DOP1A: variants seen among roughly 807,000 people sequenced by gnomAD.
DOP1A encodes the protein protein DOP1A.
Under a neutral mutation model 267.6 loss-of-function variants are expected in DOP1A, and 90 were observed. The observed-to-expected ratio is 0.34, with a 90% CI of 0.28 to 0.40. The LOEUF (loss-of-function observed/expected upper bound fraction) is 0.40. Among genes scored for constraint, DOP1A ranks in the 10% least tolerant of loss-of-function variants. The pLI is 1.00. For missense variants in DOP1A, 2,437 were observed against 2,900.4 expected (o/e 0.84, Z 3.67); for synonymous variants, 932 against 999.1 (o/e 0.93, Z 1.27).
At position 83,097,006 on chromosome 6, in the gene DOP1A, G is replaced by A. The variant is rs374683696; in HGVS notation, c.29G>A (p.Ser10Asn). The A allele has an allele frequency of 1.5e-5, 25 of 1,613,974 alleles. No individual in the cohort carries two copies. Among genetic ancestry groups the A allele is most frequent in the Non-Finnish European group, 1.9e-5 (23 of 1,179,968 alleles). Residue 10 changes from serine to asparagine, a missense_variant, in exon 3 of 39, where the codon AGT becomes AAT. Transcript: ENST00000349129. MNTEELELLSDSKYRNYVAA... is the reference protein window; with the variant it reads MNTEELELLNDSKYRNYVAA... ...AACACAGAAGAGCTGGAGTTATTGA[G>A]TGACTCCAAATACAGAAACTATGTA...
At chr6:83,122,133 T>C (rs1776464330) in intron 11 of DOP1A, 83 bp downstream of exon 11, 1 of 1,485,576 alleles carries the variant, frequency 6.7e-7, no homozygotes, top group East Asian at 2.3e-5. Context: ...TAACTTGGGA[T>C]CCTACTCTAT....
chr6:83,101,641 C>G (rs769036065), intron 4 of DOP1A, among the ~76,000 whole-genome samples: 2 of 152,180 alleles, frequency 1.3e-5, no homozygotes, highest in Non-Finnish European at 2.9e-5. Context: ...TACCCAAACT[C>G]CACACAGAGT....
intron 8 of DOP1A, among the ~76,000 whole-genome samples, 186 bp from the exon 9 acceptor site, chr6:83,119,562 G>GATACTTATGTATCAT (rs1420712013): frequency 6.6e-6 from 1 of 152,114 alleles, no homozygotes; most frequent in Non-Finnish European, 1.5e-5. Flanking sequence ...AGAATACTAT[G>GATACTTATGTATCAT]ATACTTATGT....
intron 31 of DOP1A, 132 bp downstream of exon 31, chr6:83,153,752 AT>A: frequency 1.7e-6 from 2 of 1,170,434 alleles, no homozygotes; most frequent in Non-Finnish European, 2.3e-6. Context: ...GTTTAAAAAA[AT>A]TCATATATTA....
chr6:83,109,060 A>T lies in DOP1A; in HGVS notation c.471A>T (p.Glu157Asp). Residue 157 changes from glutamate (E) to aspartate (D), a missense_variant, in exon 5 of 39, where the codon GAA becomes GAT. Glu to Asp is a conservative substitution (Grantham distance 45, BLOSUM62 2). Coordinates refer to ENST00000349129, the MANE Select transcript of DOP1A (RefSeq NM_015018.4). Reference sequence around the variant, plus strand: ...CTGGTATTCTTCCTGGCTTAGAAGAAGGATCAGAGTACTATGAGAGGTAAG... The same window carrying T: ...CTGGTATTCTTCCTGGCTTAGAAGATGGATCAGAGTACTATGAGAGGTAAG... ...LLTGILPGLE[E>D]GSEYYERTNM... The T allele has an allele frequency of 6.2e-7, 1 of 1,613,234 alleles. No individual in the cohort carries two copies. The highest frequency in any genetic ancestry group is 8.5e-7 in the Non-Finnish European group (1 of 1,179,798).
At chr6:83,077,332 T>TA (rs1055177316) in intron 1 of DOP1A, among the ~76,000 whole-genome samples, 1 of 151,022 alleles carries the variant, frequency 6.6e-6, no homozygotes, top group East Asian at 2.0e-4. Flanking sequence ...CAAGACCCCT[T>TA]AAAAAAAAGA....
rs192098476 is a variant in DOP1A, at chr6:83,113,015, T to G, written c.682-308T>G. Among the ~76,000 whole-genome samples, 398 of 152,150 alleles carry G rather than the reference T, an allele frequency of 2.6e-3. 2 individuals are homozygous for G. Among genetic ancestry groups the G allele is most frequent in the African/African-American group, 8.7e-3 (360 of 41,524 alleles). ...GGAAAGATCTCTAAAACATGTTAAA[T>G]GAAAAAGGCAGGTTTGGAATATATA... On this transcript the variant is annotated intron_variant, in intron 6 of 38. Coordinates refer to ENST00000349129, the MANE Select transcript of DOP1A (RefSeq NM_015018.4).
Position 83,139,141 on chromosome 6 carries a change from A to T in DOP1A, c.5099A>T (p.Glu1700Val), listed in dbSNP as rs1191524454. ...AATCTAATTCAGCAGTACAAATACG[A>T]AACAGGATTATCTGATAGTAGGTAA... ...LDNLIQQYKY[E>V]TGLSDSRPLW... The change falls in exon 21 of 39, where the codon GAA (glutamate) becomes GTA (valine). Residue 1700 changes from glutamate to valine, a missense_variant. This residue lies in a region of DOP1A where 307 missense variants were observed against 308.6 expected (regional missense o/e 0.99). Coordinates refer to ENST00000349129, the MANE Select transcript of DOP1A (RefSeq NM_015018.4). 6.2e-7 allele frequency: 1 copy of T among 1,612,644 alleles called. No homozygotes were observed. The highest frequency in any genetic ancestry group is 1.7e-4 in the Middle Eastern group (1 of 6,050).
chr6:83,154,147 A>G (rs764324853), intron 32 of DOP1A, 33 bp from the exon 33 acceptor site: 1 of 1,612,956 alleles, frequency 6.2e-7, no homozygotes, highest in Non-Finnish European at 8.5e-7. Flanking sequence ...CAGTAACAAC[A>G]TAATTACATG....
At chr6:83,110,574 G>A (rs528610633) in intron 6 of DOP1A, among the ~76,000 whole-genome samples, 12 of 152,206 alleles carry the variant, frequency 7.9e-5, no homozygotes, top group East Asian at 7.7e-4. Flanking sequence ...GCCAGATTCC[G>A]TATGGAATTT....
chr6:83,087,684 C>CT (rs1769535203), intron 1 of DOP1A, among the ~76,000 whole-genome samples: 1 of 152,136 alleles, frequency 6.6e-6, no homozygotes, highest in South Asian at 2.1e-4. Flanking sequence ...GTAATAGTGC[C>CT]TACTGCAAAG....
chr6:83,157,431 A>C, intron 35 of DOP1A, 113 bp downstream of exon 35: 3 of 1,106,110 alleles, frequency 2.7e-6, no homozygotes, highest in Non-Finnish European at 4.0e-6. Context: ...GCTGTAGTTA[A>C]ACCAGTTACT....
chr6:83,118,428 C>G (rs1775827729), intron 7 of DOP1A, among the ~76,000 whole-genome samples: 2 of 151,966 alleles, frequency 1.3e-5, no homozygotes, highest in Non-Finnish European at 2.9e-5. Flanking sequence ...ATTTTGTTTT[C>G]TGTATTTTTT....
chr6:83,094,107 ATTTAC>A (rs1161274558), intron 1 of DOP1A, among the ~76,000 whole-genome samples: 1 of 151,878 alleles, frequency 6.6e-6, no homozygotes, highest in Non-Finnish European at 1.5e-5. Flanking sequence ...TCAACCACTA[ATTTAC>A]TTTGTCTCTA....
chr6:83,147,253 A>C lies in DOP1A; in HGVS notation c.5694A>C (p.Glu1898Asp), dbSNP rs1433491414. ...IAKDKKHLSLEVCMLQFFYAY... is the reference protein window; with the variant it reads ...IAKDKKHLSLDVCMLQFFYAY... ...ATTTATAGAAACATCTTTCTTTGGA[A>C]GTCTGCATGCTTCAGTTTTTCTATG... Residue 1898 changes from glutamate to aspartate, a missense_variant, in exon 26 of 39, where the codon GAA (glutamate) becomes GAC (aspartate). Transcript: ENST00000349129. 6.7e-7 allele frequency: 1 copy of C among 1,492,146 alleles called. No homozygotes were observed. Among genetic ancestry groups the C allele is most frequent in the Non-Finnish European group, 9.2e-7 (1 of 1,089,620 alleles). The allele number at this position is 1,492,146 out of a possible 1,614,324, so 92.4% of individuals were successfully genotyped here. A position where few individuals can be genotyped will look rare whatever the true frequency, so the allele number is the denominator to read the frequency against.
Position 83,092,293 on chromosome 6 carries a change from C to A in DOP1A, c.-146-4438C>A, listed in dbSNP as rs1237842035. Among the ~76,000 whole-genome samples the A allele has an allele frequency of 2.6e-5, 4 of 151,972 alleles. 1 individual carries two copies. The highest frequency in any genetic ancestry group is 9.7e-5 in the African/African-American group (4 of 41,338). On this transcript the variant is annotated intron_variant, in intron 1 of 38. Coordinates refer to ENST00000349129, the MANE Select transcript of DOP1A (RefSeq NM_015018.4). The stretch of plus-strand genomic sequence containing the variant: ...ACTTTGATCATGAGTCCAACTGTAG[C>A]CTCACTATTGTAAGTTATGTGTTGT...
chr6:83,110,318 G>T lies in DOP1A; in HGVS notation c.681+4G>T. On this transcript the variant is annotated splice_donor_region_variant and intron_variant, in intron 6 of 38. Coordinates refer to ENST00000349129, the MANE Select transcript of DOP1A (RefSeq NM_015018.4). Reference sequence around the variant, plus strand: ...TGGCAGTGATATTGAGCTAATGGTAGGTCTAAAAATATGGTTGCTCATTTC... The same window carrying T: ...TGGCAGTGATATTGAGCTAATGGTATGTCTAAAAATATGGTTGCTCATTTC... 1 of 1,610,812 alleles carries T rather than the reference G, an allele frequency of 6.2e-7. No individual in the cohort carries two copies. Among genetic ancestry groups the T allele is most frequent in the Non-Finnish European group, 8.5e-7 (1 of 1,178,336 alleles).
chr6:83,152,771 C>T (rs1781963847), intron 30 of DOP1A, among the ~76,000 whole-genome samples: 1 of 151,958 alleles, frequency 6.6e-6, no homozygotes, highest in Admixed American at 6.6e-5. Flanking sequence ...GTGTGTGCCA[C>T]AATGCCCAGC....
chr6:83,089,376 A>C (rs553634031), intron 1 of DOP1A, among the ~76,000 whole-genome samples: 1 of 152,362 alleles, frequency 6.6e-6, no homozygotes, highest in Non-Finnish European at 1.5e-5. Flanking sequence ...CATAGGGCAT[A>C]ACTTGCCCAG....
Sources: gnomAD v4.1 joint callset for allele counts (sites outside exome capture counted in the v4.1 genomes callset) on GRCh38, gnomAD v4.1.1 for gene constraint, gnomAD v4.1.1 regional missense constraint, MANE v1.5 for transcripts, NCBI Gene and HGNC (gene_info 2026-07-23, HGNC 2026-07-21) for gene names.